GRXCR2: variants seen among roughly 807,000 people sequenced by gnomAD.
The protein encoded by GRXCR2 is glutaredoxin domain-containing cysteine-rich protein 2.
A neutral mutation model predicts 24.8 loss-of-function variants in GRXCR2; 23 were observed. That is an observed-to-expected ratio of 0.93 (90% confidence interval 0.67 to 1.32). The LOEUF (loss-of-function observed/expected upper bound fraction) is 1.32, where lower values mean the gene tolerates loss of function less well. Among genes scored for constraint, GRXCR2 ranks in the 40% most tolerant of loss-of-function variants. The pLI, the probability that GRXCR2 is intolerant of heterozygous loss-of-function variation, is 0.00. For missense variants in GRXCR2, 315 were observed against 303.4 expected, an observed-to-expected ratio of 1.04 and a Z score of -0.28; for synonymous variants, 130 against 116.1, an observed-to-expected ratio of 1.12 and a Z score of -0.77.
intron 2 of GRXCR2, among the ~76,000 whole-genome samples, chr5:145,927,232 C>T (rs1022361897): frequency 6.6e-6 from 1 of 152,150 alleles, no homozygotes; most frequent in Non-Finnish European, 1.5e-5. Flanking sequence ...CCTTCTCCTG[C>T]CTAATTGCCC....
At position 145,919,928 on chromosome 5, in the gene GRXCR2, T is replaced by G. The variant is rs143198779; in HGVS notation, c.-70+15773A>C. Among the ~76,000 whole-genome samples the G allele has an allele frequency of 1.4e-4, 22 of 152,224 alleles. No homozygotes were observed. The East Asian group carries it at 4.2e-3, about 29-fold the overall frequency. ...GAGGTAGGAGAATGTTCCAGAAATT[T>G]GTTTTTTAGTCTGTTCTGGGCTGAC... is the stretch of plus-strand genomic sequence containing the variant. On this transcript the variant is annotated intron_variant, in intron 2 of 3. Coordinates refer to the GRXCR2 transcript ENST00000639411.
At chr5:145,927,520 C>G (rs1757415285) in intron 2 of GRXCR2, among the ~76,000 whole-genome samples, 2 of 152,120 alleles carry the variant, frequency 1.3e-5, no homozygotes, top group South Asian at 4.1e-4. Context: ...TGTTTATATG[C>G]TGGATTACGT....
chr5:145,888,291 C>G (rs932487618), intron 2 of GRXCR2, among the ~76,000 whole-genome samples: 1 of 152,174 alleles, frequency 6.6e-6, no homozygotes, highest in Admixed American at 6.5e-5. Flanking sequence ...TTTGTATCTA[C>G]TAAGTCTAAA....
chr5:145,887,612 C>T (rs1177446448), intron 2 of GRXCR2, among the ~76,000 whole-genome samples: 5 of 152,180 alleles, frequency 3.3e-5, no homozygotes, highest in South Asian at 2.1e-4. Context: ...AGATGAAACA[C>T]CTGTTTATAA....
At chr5:145,877,354 C>CT (rs36071987), upstream of GRXCR2, among the ~76,000 whole-genome samples, 6,343 of 140,728 alleles carry the variant, frequency 0.045, 435 homozygotes, top group African/African-American at 0.15. Context: ...CTTCACTATT[C>CT]TTTTTTTTTT....
chr5:145,905,610 G>A (rs1379138696), intron 2 of GRXCR2, among the ~76,000 whole-genome samples: 1 of 152,160 alleles, frequency 6.6e-6, no homozygotes, highest in East Asian at 1.9e-4. Context: ...TTCAAGAGAG[G>A]AAATAAAGTA....
intron 1 of GRXCR2, among the ~76,000 whole-genome samples, chr5:145,867,404 C>T (rs1002127922): frequency 6.6e-6 from 1 of 152,064 alleles, no homozygotes; most frequent in Admixed American, 6.6e-5. Context: ...ATTTCCCCCC[C>T]AAAAAATACG....
At chr5:145,881,498 T>A (rs1244215879) in intron 2 of GRXCR2, among the ~76,000 whole-genome samples, 2 of 152,142 alleles carry the variant, frequency 1.3e-5, no homozygotes, top group Non-Finnish European at 2.9e-5. Context: ...CAAGGAGAAC[T>A]ACAAACCACT....
chr5:145,913,345 CT>C (rs1330215316), intron 2 of GRXCR2, among the ~76,000 whole-genome samples: 2 of 152,094 alleles, frequency 1.3e-5, no homozygotes, highest in African/African-American at 2.4e-5. Context: ...ATCCACTTCT[CT>C]TTCTTGTAAC....
chr5:145,917,202 C>T (rs1337713754), intron 2 of GRXCR2, among the ~76,000 whole-genome samples: 4 of 151,924 alleles, frequency 2.6e-5, no homozygotes, highest in African/African-American at 9.7e-5. Flanking sequence ...CACTCGCCCC[C>T]CGAGATTAAT....
At chr5:145,867,699 A>T (rs1756460324) in intron 1 of GRXCR2, among the ~76,000 whole-genome samples, 1 of 152,238 alleles carries the variant, frequency 6.6e-6, no homozygotes, top group African/African-American at 2.4e-5. Flanking sequence ...TAAGCAGGGA[A>T]GAGTATTTCA....
At chr5:145,881,550 T>C (rs151085193) in intron 2 of GRXCR2, among the ~76,000 whole-genome samples, 3,135 of 152,226 alleles carry the variant, frequency 0.021, 108 homozygotes, top group African/African-American at 0.072. Context: ...TGGAAGAACA[T>C]CCCATGCTCA....
chr5:145,903,284 A>C (rs989922448), intron 2 of GRXCR2, among the ~76,000 whole-genome samples: 3 of 152,148 alleles, frequency 2.0e-5, no homozygotes, highest in Admixed American at 6.5e-5. Context: ...AAACTTCTTC[A>C]AGATGTCATA....
At chr5:145,873,425 C>G (rs559950351), upstream of GRXCR2, among the ~76,000 whole-genome samples, 1 of 152,204 alleles carries the variant, frequency 6.6e-6, no homozygotes. Flanking sequence ...TTCATCCTCA[C>G]GATAACCCTA....
intron 2 of GRXCR2, among the ~76,000 whole-genome samples, chr5:145,926,666 C>T (rs1757401753): frequency 6.6e-6 from 1 of 152,154 alleles, no homozygotes; most frequent in Non-Finnish European, 1.5e-5. Context: ...TAGTGTGATG[C>T]CTCCAGCTTT....
intron 1 of GRXCR2, among the ~76,000 whole-genome samples, chr5:145,869,487 T>C (rs1415900307): frequency 6.6e-6 from 1 of 152,102 alleles, no homozygotes; most frequent in African/African-American, 2.4e-5. Flanking sequence ...GTTATTACAA[T>C]GGTGGGTAAC....
At chr5:145,875,681 C>A (rs1361013863), upstream of GRXCR2, among the ~76,000 whole-genome samples, 2 of 151,936 alleles carry the variant, frequency 1.3e-5, no homozygotes, top group African/African-American at 4.8e-5. Context: ...GAGAGAAGAA[C>A]TAGGGAAACA....
intron 2 of GRXCR2, among the ~76,000 whole-genome samples, chr5:145,887,217 C>T (rs1013744969): frequency 2.6e-5 from 4 of 152,224 alleles, no homozygotes; most frequent in African/African-American, 9.6e-5. Flanking sequence ...CTGCTTCAGC[C>T]TCTTGAGGAG....
chr5:145,876,030 GGTGGTGCTT>G (rs1376183804), upstream of GRXCR2, among the ~76,000 whole-genome samples: 2 of 151,756 alleles, frequency 1.3e-5, no homozygotes, highest in African/African-American at 4.8e-5. Context: ...ATCTGGGCAT[GGTGGTGCTT>G]GTCTGTAGTC....
Sources: gnomAD v4.1 joint callset for allele counts (sites outside exome capture counted in the v4.1 genomes callset) on GRCh38, gnomAD v4.1.1 for gene constraint, MANE v1.5 for transcripts, NCBI Gene and HGNC (gene_info 2026-07-23, HGNC 2026-07-21) for gene names.